The following SNTB1 variants were observed in gnomAD, a reference collection of about 807,000 sequenced individuals.
SNTB1 encodes syntrophin beta 1.
A neutral mutation model predicts 48.9 loss-of-function variants in SNTB1; 36 were observed. The observed-to-expected ratio is 0.74, with a 90% CI of 0.56 to 0.97. SNTB1 has a LOEUF of 0.97. Ranked by LOEUF, SNTB1 falls within the 50% of genes least tolerant of loss-of-function variation. SNTB1 has a pLI of 0.00. For missense variants in SNTB1, 786 were observed against 703.4 expected (o/e 1.12, Z -1.33); for synonymous variants, 299 against 294.6 (o/e 1.01, Z -0.15).
intron 1 of SNTB1, among the ~76,000 whole-genome samples, chr8:120,734,845 C>T (rs184664955): frequency 5.3e-5 from 8 of 152,266 alleles, no homozygotes; most frequent in South Asian, 2.1e-4. Context: ...AAGAGCCCTC[C>T]GGCTTAGAGA....
intron 2 of SNTB1, among the ~76,000 whole-genome samples, chr8:120,665,623 G>A (rs912699252): frequency 5.3e-5 from 8 of 151,906 alleles, no homozygotes; most frequent in African/African-American, 1.7e-4. Context: ...TTGTGTTTTT[G>A]GTGTCTTATC....
intron 1 of SNTB1, among the ~76,000 whole-genome samples, chr8:120,756,202 C>T (rs547452462): frequency 6.6e-6 from 1 of 152,296 alleles, no homozygotes; most frequent in African/African-American, 2.4e-5. Context: ...TTTTAATACA[C>T]TTAATACAAC....
chr8:120,629,615 A>G (rs1483798021), intron 3 of SNTB1, among the ~76,000 whole-genome samples: 2 of 152,192 alleles, frequency 1.3e-5, no homozygotes, highest in Non-Finnish European at 2.9e-5. Flanking sequence ...TTTGCTAAAA[A>G]CCATTCATAT....
intron 3 of SNTB1, among the ~76,000 whole-genome samples, chr8:120,590,656 G>A (rs951661284): frequency 6.6e-5 from 10 of 150,964 alleles, no homozygotes; most frequent in Non-Finnish European, 1.0e-4. Context: ...GTTCATTATA[G>A]GTTTCTTTCT....
At chr8:120,799,515 G>C (rs571604466) in intron 1 of SNTB1, among the ~76,000 whole-genome samples, 16 of 151,858 alleles carry the variant, frequency 1.1e-4, no homozygotes, top group African/African-American at 3.9e-4. Context: ...TGGGAACTTA[G>C]AGATATGATA....
In SNTB1 at chr8:120,537,231, A is replaced by G. The variant is rs2130637283; in HGVS notation, c.*1646T>C. ...AGAGTCCTGTAGGTAAGTGTGAGGA[A>G]TGGTTCACCGGATTTCGCCTTGAAG... On this transcript the variant is annotated 3_prime_UTR_variant, in exon 7 of 7. Transcript: ENST00000517992. The G allele has an allele frequency of 6.6e-6, 1 of 152,178 alleles. No homozygotes were observed. The highest frequency in any genetic ancestry group is 1.9e-4 in the East Asian group (1 of 5,184). The allele number at this position is 152,178 out of a possible 1,614,324, so 9.4% of individuals were successfully genotyped here.
At chr8:120,752,157 G>T (rs1267039130) in intron 1 of SNTB1, among the ~76,000 whole-genome samples, 1 of 152,028 alleles carries the variant, frequency 6.6e-6, no homozygotes, top group South Asian at 2.1e-4. Context: ...GGTGTATGTG[G>T]TTCATTAGGC....
intron 2 of SNTB1, among the ~76,000 whole-genome samples, chr8:120,639,150 G>A (rs900733305): frequency 2.0e-5 from 3 of 152,186 alleles, no homozygotes; most frequent in African/African-American, 7.2e-5. Flanking sequence ...CAGTGATGAT[G>A]AGCATTTTTT....
intron 3 of SNTB1, among the ~76,000 whole-genome samples, chr8:120,624,036 G>A (rs1779279683): frequency 6.6e-6 from 1 of 152,104 alleles, no homozygotes; most frequent in African/African-American, 2.4e-5. Flanking sequence ...CTCCGGGGTT[G>A]AAGTGATGCT....
chr8:120,544,789 AC>A (rs1815348996), intron 5 of SNTB1, among the ~76,000 whole-genome samples: 1 of 125,010 alleles, frequency 8.0e-6, no homozygotes, highest in Admixed American at 9.2e-5. Flanking sequence ...CAAATTCAAA[AC>A]TTTTTTTTTT....
chr8:120,691,461 T>C (rs1027612003), intron 2 of SNTB1, among the ~76,000 whole-genome samples: 2 of 152,218 alleles, frequency 1.3e-5, no homozygotes, highest in Non-Finnish European at 2.9e-5. Flanking sequence ...CAGAGAGCTG[T>C]TAAGAGGACT....
At chr8:120,616,079 C>A (rs1816708788) in intron 3 of SNTB1, among the ~76,000 whole-genome samples, 1 of 152,184 alleles carries the variant, frequency 6.6e-6, no homozygotes, top group Admixed American at 6.5e-5. Context: ...TGGAGGACAA[C>A]AAACTCTTGT....
chr8:120,772,634 A>G (rs1400582437), intron 1 of SNTB1, among the ~76,000 whole-genome samples: 1 of 152,188 alleles, frequency 6.6e-6, no homozygotes, highest in Admixed American at 6.5e-5. Flanking sequence ...CCTGGCATCC[A>G]ATACCACTGG....
chr8:120,669,654 G>T (rs60106564), intron 2 of SNTB1, among the ~76,000 whole-genome samples: 84,715 of 85,162 alleles, frequency 0.99, 42,146 homozygotes, highest in East Asian at 1. Flanking sequence ...GGGTTTCACC[G>T]TGTTAGCCAG....
chr8:120,675,025 A>C (rs1297036738), intron 2 of SNTB1, among the ~76,000 whole-genome samples: 3 of 152,210 alleles, frequency 2.0e-5, no homozygotes, highest in Non-Finnish European at 4.4e-5. Context: ...TAGACCCAGA[A>C]GGAAAGAAAG....
At chr8:120,663,012 TG>T (rs1563845120) in intron 2 of SNTB1, among the ~76,000 whole-genome samples, 1 of 1,802 alleles carries the variant, frequency 5.5e-4, no homozygotes, top group Non-Finnish European at 1.2e-3. Flanking sequence ...TGTGTGGGGG[TG>T]GGGGGGCTGG....
At chr8:120,805,872 G>T (rs1456072559) in intron 1 of SNTB1, among the ~76,000 whole-genome samples, 16 of 152,114 alleles carry the variant, frequency 1.1e-4, no homozygotes, top group Non-Finnish European at 2.9e-5. Flanking sequence ...AAGCTATAAG[G>T]CCTGTGCTTG....
intron 1 of SNTB1, among the ~76,000 whole-genome samples, chr8:120,745,320 T>C (rs557269870): frequency 4.2e-4 from 64 of 152,172 alleles, no homozygotes; most frequent in African/African-American, 1.5e-3. Flanking sequence ...CCCATCGTGG[T>C]TGGTTACATA....
chr8:120,584,023 C>T (rs1311102605), intron 3 of SNTB1, among the ~76,000 whole-genome samples: 2 of 152,162 alleles, frequency 1.3e-5, no homozygotes, highest in African/African-American at 4.8e-5. Flanking sequence ...ATTTTAAAAA[C>T]ACTCAGCAGG....
Sources: gnomAD v4.1 joint callset for allele counts (sites outside exome capture counted in the v4.1 genomes callset) on GRCh38, gnomAD v4.1.1 for gene constraint, MANE v1.5 for transcripts, NCBI Gene and HGNC (gene_info 2026-07-23, HGNC 2026-07-21) for gene names.